ZRANB3: variants seen among roughly 807,000 people sequenced by gnomAD.
The protein encoded by ZRANB3 is DNA annealing helicase and endonuclease ZRANB3.
A neutral mutation model predicts 133.8 loss-of-function variants in ZRANB3; 125 were observed. That is an observed-to-expected ratio of 0.93 (90% CI 0.81 to 1.08). ZRANB3 has a LOEUF of 1.08. Among genes scored for constraint, ZRANB3 ranks in the 50% least tolerant of loss-of-function variants. The probability of loss-of-function intolerance (pLI) is 0.00; values close to 1 mark genes in which losing one functional copy is unlikely to be tolerated. For missense variants in ZRANB3, 1,229 were observed against 1,275.5 expected, an observed-to-expected ratio of 0.96 and a Z score of 0.56; for synonymous variants, 387 against 432.7, an observed-to-expected ratio of 0.89 and a Z score of 1.31.
At chr2:135,507,737 T>C (rs1391334434) in intron 1 of ZRANB3, among the ~76,000 whole-genome samples, 1 of 152,006 alleles carries the variant, frequency 6.6e-6, no homozygotes, top group East Asian at 1.9e-4. Flanking sequence ...GCAGAATAGC[T>C]TGAGGTCAGG....
chr2:135,332,221 A>G (rs549097705), intron 6 of ZRANB3, among the ~76,000 whole-genome samples: 11 of 152,198 alleles, frequency 7.2e-5, no homozygotes, highest in African/African-American at 2.6e-4. Flanking sequence ...ATATTTTAAA[A>G]CTTCTTACTC....
At position 135,227,811 on chromosome 2, in the gene ZRANB3, C is replaced by T; in HGVS notation, c.2158+1G>A. ...ATGCTAGAAATGGAAACAAGACTTACCATTACCTGGCTGGGATGTAAGTCC... is the reference window on the plus strand; with the variant it reads ...ATGCTAGAAATGGAAACAAGACTTATCATTACCTGGCTGGGATGTAAGTCC... On this transcript the variant is annotated splice_donor_variant, in intron 14 of 20. Transcript: ENST00000264159. LOFTEE classifies it high-confidence loss of function. 1 of 1,567,538 alleles carries T rather than the reference C, an allele frequency of 6.4e-7. No individual in the cohort carries two copies.
intron 3 of ZRANB3, among the ~76,000 whole-genome samples, chr2:135,360,330 G>C (rs527444519): frequency 2.4e-4 from 37 of 152,138 alleles, no homozygotes; most frequent in Middle Eastern, 3.4e-3. Flanking sequence ...GCAGTGAGCT[G>C]AGATCATGCG....
At chr2:135,470,678 C>T (rs1048224479) in intron 2 of ZRANB3, among the ~76,000 whole-genome samples, 1 of 151,970 alleles carries the variant, frequency 6.6e-6, no homozygotes, top group Non-Finnish European at 1.5e-5. Context: ...CAGATTGAGA[C>T]TCCATCTCAA....
chr2:135,419,626 C>T (rs1688747416), intron 2 of ZRANB3, among the ~76,000 whole-genome samples: 1 of 151,756 alleles, frequency 6.6e-6, no homozygotes, highest in Non-Finnish European at 1.5e-5. Flanking sequence ...AGATAACTAT[C>T]CTTGGCCACG....
intron 2 of ZRANB3, among the ~76,000 whole-genome samples, chr2:135,432,901 G>A (rs528565786): frequency 3.3e-5 from 5 of 152,260 alleles, no homozygotes; most frequent in East Asian, 3.9e-4. Flanking sequence ...CCCTTACCCC[G>A]ACTTCAAATA....
chr2:135,488,880 A>T (rs1172630008), intron 2 of ZRANB3, among the ~76,000 whole-genome samples: 1 of 150,298 alleles, frequency 6.7e-6, no homozygotes, highest in Admixed American at 6.6e-5. Context: ...TATACTATAT[A>T]GCATACTATA....
intron 2 of ZRANB3, among the ~76,000 whole-genome samples, chr2:135,422,784 C>T (rs1436652513): frequency 6.6e-6 from 1 of 152,182 alleles, no homozygotes; most frequent in African/African-American, 2.4e-5. Context: ...ATTTACAGGT[C>T]TCCTACTTGA....
At chr2:135,255,778 G>A (rs533980942) in intron 12 of ZRANB3, among the ~76,000 whole-genome samples, 522 of 152,158 alleles carry the variant, frequency 3.4e-3, no homozygotes, top group Non-Finnish European at 4.8e-3. Flanking sequence ...CCAGGATTTC[G>A]AGGCTGCAGT....
intron 17 of ZRANB3, among the ~76,000 whole-genome samples, chr2:135,216,938 G>A (rs1011155339): frequency 6.6e-5 from 10 of 152,210 alleles, no homozygotes; most frequent in South Asian, 2.1e-4. Context: ...AACCTGTAAT[G>A]ATAAGGACAA....
chr2:135,446,118 A>G (rs1245709233), intron 2 of ZRANB3, among the ~76,000 whole-genome samples: 1 of 151,758 alleles, frequency 6.6e-6, no homozygotes, highest in Non-Finnish European at 1.5e-5. Context: ...AGGCAAGAGA[A>G]TCGCTTGAAC....
intron 15 of ZRANB3, among the ~76,000 whole-genome samples, chr2:135,220,200 C>T (rs1422073527): frequency 6.6e-6 from 1 of 152,052 alleles, no homozygotes; most frequent in Non-Finnish European, 1.5e-5. Flanking sequence ...CCACCACGCC[C>T]AGCCCCTGAA....
chr2:135,396,857 A>G (rs1411034278), intron 2 of ZRANB3, among the ~76,000 whole-genome samples: 1 of 152,312 alleles, frequency 6.6e-6, no homozygotes, highest in Middle Eastern at 3.4e-3. Context: ...TTGAGGTGAT[A>G]CATCTGCTTA....
Position 135,405,505 on chromosome 2 carries a change from A to G in ZRANB3, c.162-14685T>C, listed in dbSNP as rs541135706. 2.6e-5 allele frequency among the ~76,000 whole-genome samples: 4 copies of G among 152,344 alleles called. No individual in the cohort carries two copies. The East Asian group carries it at 7.7e-4, about 29-fold the overall frequency. ...TCTACAGAACTCTCCATCCCAAATG[A>G]ACAAAATATACATTCTTCTCAGCAC... is the stretch of plus-strand genomic sequence containing the variant. On this transcript the variant is annotated intron_variant, in intron 2 of 20. Coordinates refer to ENST00000264159, the MANE Select transcript of ZRANB3 (RefSeq NM_032143.4).
At chr2:135,215,914 T>C (rs1387083691) in intron 17 of ZRANB3, among the ~76,000 whole-genome samples, 1 of 152,084 alleles carries the variant, frequency 6.6e-6, no homozygotes, top group Non-Finnish European at 1.5e-5. Context: ...ATCCCTTACT[T>C]GAGACAATTT....
intron 3 of ZRANB3, among the ~76,000 whole-genome samples, chr2:135,360,870 G>A (rs556345841): frequency 1.5e-4 from 23 of 152,142 alleles, no homozygotes; most frequent in African/African-American, 3.9e-4. Context: ...GGGCTCAAGC[G>A]GTTCTCCCAC....
intron 3 of ZRANB3, among the ~76,000 whole-genome samples, chr2:135,362,845 T>C (rs1685752064): frequency 6.6e-6 from 1 of 152,174 alleles, no homozygotes; most frequent in South Asian, 2.1e-4. Context: ...GTTATGCTTT[T>C]AATGTGGTAT....
chr2:135,492,138 T>C (rs549337119), intron 2 of ZRANB3, among the ~76,000 whole-genome samples: 1 of 152,302 alleles, frequency 6.6e-6, no homozygotes, highest in South Asian at 2.1e-4. Flanking sequence ...AATGATCATA[T>C]AATAACATAT....
intron 2 of ZRANB3, among the ~76,000 whole-genome samples, chr2:135,500,160 T>C (rs1361691438): frequency 6.6e-6 from 1 of 152,182 alleles, no homozygotes; most frequent in African/African-American, 2.4e-5. Flanking sequence ...AATAAATTTC[T>C]GTTGTTTAAG....
Sources: allele counts gnomAD v4.1 joint callset (sites outside exome capture counted in the v4.1 genomes callset), GRCh38; gene constraint gnomAD v4.1.1; transcripts MANE v1.5; gene names NCBI Gene and HGNC (gene_info 2026-07-23, HGNC 2026-07-21).